Variants in SLK observed in about 807,000 individuals in gnomAD.
SLK encodes the protein STE20-like serine/threonine-protein kinase.
Under a neutral mutation model 147.7 loss-of-function variants are expected in SLK, and 67 were observed. The observed-to-expected ratio is 0.45, with a 90% CI of 0.37 to 0.56. The LOEUF (loss-of-function observed/expected upper bound fraction) is 0.56. Among genes scored for constraint, SLK ranks in the 20% least tolerant of loss-of-function variants. The pLI, the probability that SLK is intolerant of heterozygous loss-of-function variation, is 0.00. For missense variants in SLK, 1,136 were observed against 1,438.8 expected, an observed-to-expected ratio of 0.79 and a Z score of 3.41; for synonymous variants, 441 against 475.0, an observed-to-expected ratio of 0.93 and a Z score of 0.93.
Position 104,002,243 on chromosome 10 carries a change from A to G in SLK, c.1065A>G (p.Gln355=). 1 of 1,611,444 alleles carries G rather than the reference A, an allele frequency of 6.2e-7. No individual in the cohort carries two copies. The highest frequency in any genetic ancestry group is 8.5e-7 in the Non-Finnish European group (1 of 1,178,060). The part of the protein sequence containing the change: ...IASSEEDKLS[Q]NACILESVSE... ...GCTCTGAAGAAGATAAACTTTCACA[A>G]AATGCTTGTATTTTGGAGTCTGTCT... The change falls in exon 9 of 19, where the codon CAA becomes CAG. Residue 355 remains glutamine, a synonymous_variant. Coordinates refer to ENST00000369755, the MANE Select transcript of SLK (RefSeq NM_014720.4).
intron 1 of SLK, among the ~76,000 whole-genome samples, chr10:103,979,985 C>A (rs1010970705): frequency 2.6e-5 from 4 of 152,098 alleles, no homozygotes; most frequent in Admixed American, 1.3e-4. Context: ...TATGGTATTG[C>A]CTTCTACATT....
At chr10:103,981,552 C>T (rs970143049) in intron 1 of SLK, among the ~76,000 whole-genome samples, 44 of 152,068 alleles carry the variant, frequency 2.9e-4, no homozygotes, top group African/African-American at 1.1e-3. Flanking sequence ...TCCAACTTCA[C>T]TGTTTCACAT....
chr10:104,015,749 AT>A (rs1306486607), intron 13 of SLK, among the ~76,000 whole-genome samples: 1 of 152,184 alleles, frequency 6.6e-6, no homozygotes, highest in East Asian at 1.9e-4. Flanking sequence ...TAGATGAGAA[AT>A]TACATTTACT....
At chr10:103,975,798 G>A (rs1215441736) in intron 1 of SLK, among the ~76,000 whole-genome samples, 2 of 152,112 alleles carry the variant, frequency 1.3e-5, no homozygotes, top group Non-Finnish European at 2.9e-5. Flanking sequence ...TTCACGGCCC[G>A]GTGCAGGGGC....
chr10:103,988,210 C>T (rs1253674301), intron 1 of SLK, among the ~76,000 whole-genome samples: 3 of 152,068 alleles, frequency 2.0e-5, no homozygotes, highest in Non-Finnish European at 4.4e-5. Flanking sequence ...ATAGAGAAGA[C>T]GTCTTTTACA....
Position 104,029,144 on chromosome 10 carries a change from T to A in SLK, c.*3424T>A, listed in dbSNP as rs560080153. On this transcript the variant is annotated 3_prime_UTR_variant, in exon 19 of 19. Transcript: ENST00000369755. ...AGCTAAATTTTCAGAAAGAATTTTG[T>A]TTAAGATTATGCCTCTTATCTACTT... The A allele has an allele frequency of 3.3e-5, 5 of 152,362 alleles. No individual in the cohort carries two copies. In the South Asian group the frequency reaches 6.2e-4, roughly 19 times the overall value. The allele number at this position is 152,362 out of a possible 1,614,324, so 9.4% of individuals were successfully genotyped here.
At chr10:104,024,933 C>G (rs2134542715) in intron 18 of SLK, among the ~76,000 whole-genome samples, 1 of 152,318 alleles carries the variant, frequency 6.6e-6, no homozygotes, top group African/African-American at 2.4e-5. Flanking sequence ...ACCTCATGAC[C>G]TCATCCCTTC....
intron 1 of SLK, among the ~76,000 whole-genome samples, chr10:103,979,611 G>A (rs1348021368): frequency 2.6e-5 from 4 of 151,916 alleles, no homozygotes; most frequent in South Asian, 2.1e-4. Flanking sequence ...AAGTAATATC[G>A]TCCCTGATTA....
At chr10:103,975,067 A>G (rs1411246131) in intron 1 of SLK, among the ~76,000 whole-genome samples, 4 of 151,652 alleles carry the variant, frequency 2.6e-5, no homozygotes, top group Non-Finnish European at 5.9e-5. Context: ...TCTGACTTTA[A>G]GGTGTGGGAA....
At chr10:103,979,094 C>T (rs1843908101) in intron 1 of SLK, among the ~76,000 whole-genome samples, 1 of 152,216 alleles carries the variant, frequency 6.6e-6, no homozygotes, top group African/African-American at 2.4e-5. Context: ...TGGCTCACTG[C>T]AACCTCCGCT....
intron 13 of SLK, among the ~76,000 whole-genome samples, chr10:104,013,219 A>G (rs1488010552): frequency 6.6e-6 from 1 of 152,254 alleles, no homozygotes; most frequent in East Asian, 1.9e-4. Context: ...GAGCTAGAAC[A>G]TATTTGATCA....
intron 13 of SLK, among the ~76,000 whole-genome samples, chr10:104,012,225 C>T (rs1028698805): frequency 2.0e-5 from 3 of 151,968 alleles, no homozygotes; most frequent in African/African-American, 7.3e-5. Flanking sequence ...TTAAATTTTG[C>T]TAAGTAAAGA....
intron 18 of SLK, among the ~76,000 whole-genome samples, chr10:104,022,177 T>C (rs148743848): frequency 1.3e-5 from 2 of 151,952 alleles, no homozygotes; most frequent in South Asian, 2.1e-4. Context: ...TTCTCTGACA[T>C]TGGAGTATGA....
chr10:104,003,539 T>TA lies in SLK; in HGVS notation c.2349+12_2349+13insA. The TA allele has an allele frequency of 6.6e-7, 1 of 1,524,298 alleles. No individual in the cohort carries two copies. Among genetic ancestry groups the TA allele is most frequent in the Non-Finnish European group, 8.8e-7 (1 of 1,138,534 alleles). 94.4% of individuals were successfully genotyped at this position (1,524,298 alleles called of 1,614,324 possible). A position where few individuals can be genotyped will look rare whatever the true frequency, so the allele number is the denominator to read the frequency against. ...CGATATCTTTACAAGTAAGTGTACA[T>TA]GAGTCATTGTTTGGGTTTTCCTTTG... On this transcript the variant is annotated intron_variant, in intron 9 of 18. Transcript: ENST00000369755.
In SLK at chr10:104,017,314, T is replaced by A. The variant is rs952625888; in HGVS notation, c.2878-846T>A. Among the ~76,000 whole-genome samples, 3 of 152,226 alleles carry A rather than the reference T, an allele frequency of 2.0e-5. No individual in the cohort carries two copies. The East Asian group carries it at 5.8e-4, about 29-fold the overall frequency. Reference sequence around the variant, plus strand: ...TCTCTAGCAATGCATTCTCATTAATTTCTCAAACTATTGTTCTTCTTTTTA... The same window carrying A: ...TCTCTAGCAATGCATTCTCATTAATATCTCAAACTATTGTTCTTCTTTTTA... On this transcript the variant is annotated intron_variant, in intron 13 of 18. Transcript: ENST00000369755.
chr10:103,999,293 A>G lies in SLK; in HGVS notation c.762A>G (p.Thr254=). The G allele has an allele frequency of 1.2e-6, 2 of 1,610,610 alleles. No individual in the cohort carries two copies. Among genetic ancestry groups the G allele is most frequent in the East Asian group, 2.2e-5 (1 of 44,840 alleles). Residue 254 remains threonine (T), a synonymous_variant, in exon 6 of 19, where the codon ACA becomes ACG. Transcript: ENST00000369755. ...LLKIAKSEPP[T]LAQPSRWSSN... is the part of the protein sequence containing the mutation. ...AAATAGCAAAATCTGAGCCACCTAC[A>G]TTAGCACAGCCATCCAGATGGTAAA...
In SLK at chr10:103,974,341, G is replaced by C. The variant is rs371293365; in HGVS notation, c.150+6446G>C. 4.6e-5 allele frequency among the ~76,000 whole-genome samples: 7 copies of C among 151,802 alleles called. No homozygotes were observed. The East Asian group carries it at 1.2e-3, about 26-fold the overall frequency. On this transcript the variant is annotated intron_variant, in intron 1 of 18. Coordinates refer to ENST00000369755, the MANE Select transcript of SLK (RefSeq NM_014720.4). Reference sequence around the variant, plus strand: ...AAAAAGTTCATCTTGGCCGGGCGCGGTGGCTCACGCTTGTAATCCCAGCAC... The same window carrying C: ...AAAAAGTTCATCTTGGCCGGGCGCGCTGGCTCACGCTTGTAATCCCAGCAC...
At chr10:103,992,900 T>C in intron 3 of SLK, 84 bp from the exon 4 acceptor site, 1 of 936,340 alleles carries the variant, frequency 1.1e-6, no homozygotes, top group Non-Finnish European at 1.6e-6. Flanking sequence ...TTGACAGTGA[T>C]GATATATACA....
At chr10:103,974,198 C>T (rs1249957698) in intron 1 of SLK, among the ~76,000 whole-genome samples, 1 of 152,152 alleles carries the variant, frequency 6.6e-6, no homozygotes, top group Non-Finnish European at 1.5e-5. Flanking sequence ...CCACCACTTC[C>T]CCCAATAATG....
Sources: gnomAD v4.1 joint callset for allele counts (sites outside exome capture counted in the v4.1 genomes callset) on GRCh38, gnomAD v4.1.1 for gene constraint, MANE v1.5 for transcripts, NCBI Gene and HGNC (gene_info 2026-07-23, HGNC 2026-07-21) for gene names.